The following SGCZ variants were observed in gnomAD, a reference collection of about 807,000 sequenced individuals.
SGCZ encodes the protein zeta-sarcoglycan.
Under a neutral mutation model 41.3 loss-of-function variants are expected in SGCZ, and 40 were observed. The observed-to-expected ratio is 0.97, with a 90% confidence interval of 0.75 to 1.26. SGCZ has a LOEUF of 1.26. Among genes scored for constraint, SGCZ ranks in the 50% most tolerant of loss-of-function variants. The pLI is 0.00. For synonymous variants in SGCZ, 206 were observed against 137.5 expected (o/e 1.50, Z -3.49); for missense variants, 552 against 369.8 (o/e 1.49, Z -4.04).
chr8:14,875,329 C>T (rs556767249), intron 1 of SGCZ, among the ~76,000 whole-genome samples: 1 of 152,276 alleles, frequency 6.6e-6, no homozygotes, highest in South Asian at 2.1e-4. Flanking sequence ...AAGTCCATGA[C>T]TTAATCACCT....
rs535522483 is a variant in SGCZ, at chr8:14,842,168, ATCT to A, written c.40-287245_40-287243del. 2.8e-3 allele frequency among the ~76,000 whole-genome samples: 419 copies of A among 152,288 alleles called. 2 individuals carry two copies. Among genetic ancestry groups the A allele is most frequent in the African/African-American group, 9.6e-3 (400 of 41,560 alleles). ...CACACATAACTGCACATCAGGATAA[ATCT>A]TCTGAAGTAAATGGAGTTCGAAGGA... On this transcript the variant is annotated intron_variant, in intron 1 of 7. Transcript: ENST00000382080.
intron 1 of SGCZ, among the ~76,000 whole-genome samples, chr8:14,693,128 G>A (rs554983967): frequency 6.6e-6 from 1 of 152,066 alleles, no homozygotes; most frequent in Non-Finnish European, 1.5e-5. Context: ...GTAAGATTAA[G>A]TAAATTGTTA....
At chr8:14,285,485 T>C (rs1030034685) in intron 3 of SGCZ, among the ~76,000 whole-genome samples, 4 of 152,116 alleles carry the variant, frequency 2.6e-5, no homozygotes, top group Admixed American at 1.3e-4. Context: ...TGAGGAACCA[T>C]AGACAGAAGA....
intron 1 of SGCZ, among the ~76,000 whole-genome samples, chr8:14,694,893 C>G (rs1470022918): frequency 6.6e-6 from 1 of 151,750 alleles, no homozygotes; most frequent in Non-Finnish European, 1.5e-5. Flanking sequence ...CCAAATGATT[C>G]AAAAGCAATA....
intron 1 of SGCZ, among the ~76,000 whole-genome samples, chr8:14,814,099 C>G (rs1801821334): frequency 6.6e-6 from 1 of 152,008 alleles, no homozygotes; most frequent in Non-Finnish European, 1.5e-5. Context: ...TAACTTAAAA[C>G]AGTTATATTA....
At chr8:14,662,564 C>G (rs1225743929) in intron 1 of SGCZ, among the ~76,000 whole-genome samples, 1 of 152,098 alleles carries the variant, frequency 6.6e-6, no homozygotes, top group Non-Finnish European at 1.5e-5. Context: ...ACATGTGATA[C>G]CTTCACTAGG....
intron 1 of SGCZ, among the ~76,000 whole-genome samples, chr8:15,232,284 T>C (rs879911246): frequency 1.3e-5 from 2 of 152,172 alleles, no homozygotes; most frequent in Non-Finnish European, 2.9e-5. Flanking sequence ...CCATCTCGTG[T>C]AGCTATGATT....
At chr8:14,547,393 C>T (rs1397119806) in intron 2 of SGCZ, among the ~76,000 whole-genome samples, 2 of 152,102 alleles carry the variant, frequency 1.3e-5, no homozygotes, top group Non-Finnish European at 2.9e-5. Flanking sequence ...TGGTTGACAG[C>T]TAAACTGTTC....
chr8:14,918,621 T>A (rs1799506053), intron 1 of SGCZ, among the ~76,000 whole-genome samples: 1 of 152,196 alleles, frequency 6.6e-6, no homozygotes, highest in Non-Finnish European at 1.5e-5. Context: ...AGAAACAACT[T>A]AGTATTTTAC....
At chr8:14,915,280 A>G (rs1032815022) in intron 1 of SGCZ, among the ~76,000 whole-genome samples, 5 of 152,194 alleles carry the variant, frequency 3.3e-5, no homozygotes, top group African/African-American at 1.2e-4. Flanking sequence ...TGGTAATTCA[A>G]CTTGGAAGAT....
At chr8:14,226,099 C>T (rs947210049) in intron 4 of SGCZ, among the ~76,000 whole-genome samples, 56 of 152,000 alleles carry the variant, frequency 3.7e-4, no homozygotes, top group African/African-American at 1.3e-3. Context: ...TTATAAAAAC[C>T]CAGGCATACA....
At chr8:15,224,713 G>T (rs777688712) in intron 1 of SGCZ, among the ~76,000 whole-genome samples, 4 of 152,086 alleles carry the variant, frequency 2.6e-5, no homozygotes, top group East Asian at 1.9e-4. Flanking sequence ...ATACAAAAAG[G>T]TTCAAAATAA....
At chr8:14,371,413 G>GTA (rs1455179219) in intron 2 of SGCZ, among the ~76,000 whole-genome samples, 1 of 152,024 alleles carries the variant, frequency 6.6e-6, no homozygotes, top group Non-Finnish European at 1.5e-5. Flanking sequence ...AACCTTTGCT[G>GTA]TAACAATGAC....
intron 1 of SGCZ, among the ~76,000 whole-genome samples, chr8:15,109,358 G>C (rs1806956222): frequency 6.6e-6 from 1 of 152,040 alleles, no homozygotes; most frequent in Non-Finnish European, 1.5e-5. Flanking sequence ...CTCGAGCTGA[G>C]TTTTAAAATT....
chr8:14,336,646 A>G (rs1295760165), intron 2 of SGCZ, among the ~76,000 whole-genome samples: 1 of 152,150 alleles, frequency 6.6e-6, no homozygotes, highest in Non-Finnish European at 1.5e-5. Flanking sequence ...CTGGTGTGAG[A>G]TGATATCTCA....
chr8:14,842,112 T>C (rs952045180), intron 1 of SGCZ, among the ~76,000 whole-genome samples: 2 of 152,058 alleles, frequency 1.3e-5, no homozygotes, highest in African/African-American at 4.8e-5. Context: ...TAATGATAAA[T>C]GATAAAACAA....
At chr8:14,838,007 A>AT (rs111412080) in intron 1 of SGCZ, among the ~76,000 whole-genome samples, 17 of 152,312 alleles carry the variant, frequency 1.1e-4, no homozygotes, top group African/African-American at 3.4e-4. Flanking sequence ...TTATTCAGCC[A>AT]TAAAAAAAAG....
At chr8:14,113,480 A>G (rs1251353942) in intron 5 of SGCZ, among the ~76,000 whole-genome samples, 1 of 151,994 alleles carries the variant, frequency 6.6e-6, no homozygotes, top group Non-Finnish European at 1.5e-5. Context: ...GCACCACATG[A>G]TGGATGGGAG....
At chr8:15,220,164 T>C (rs1801544468) in intron 1 of SGCZ, among the ~76,000 whole-genome samples, 1 of 152,196 alleles carries the variant, frequency 6.6e-6, no homozygotes, top group African/African-American at 2.4e-5. Context: ...TTCCTCAACA[T>C]AGTCTAAACA....
Sources: allele counts gnomAD v4.1 joint callset (sites outside exome capture counted in the v4.1 genomes callset), GRCh38; gene constraint gnomAD v4.1.1; transcripts MANE v1.5; gene names NCBI Gene and HGNC (gene_info 2026-07-23, HGNC 2026-07-21).